Variants in ELP4 observed in about 807,000 individuals in gnomAD.
The protein encoded by ELP4 is elongator acetyltransferase complex subunit 4.
ELP4 carries 51 observed loss-of-function variants against 48.9 expected under a neutral mutation model. The ratio of observed to expected loss-of-function variants is 1.04; its 90% CI spans 0.83 to 1.32. The LOEUF (loss-of-function observed/expected upper bound fraction) is 1.32. Ranked by LOEUF, ELP4 falls within the 40% of genes most tolerant of loss-of-function variation. The pLI is 0.00. For missense variants in ELP4, 519 were observed against 514.6 expected (o/e 1.01, Z -0.08); for synonymous variants, 210 against 189.2 (o/e 1.11, Z -0.90).
intron 2 of ELP4, among the ~76,000 whole-genome samples, chr11:31,533,973 C>T (rs1956453620): frequency 6.6e-6 from 1 of 151,774 alleles, no homozygotes; most frequent in East Asian, 2.0e-4. Flanking sequence ...GTAGCTGGGA[C>T]TACAGGCTCC....
intron 2 of ELP4, among the ~76,000 whole-genome samples, chr11:31,520,938 C>A (rs1449864119): frequency 1.3e-5 from 2 of 151,874 alleles, no homozygotes; most frequent in Non-Finnish European, 2.9e-5. Flanking sequence ...ATACAGTATT[C>A]CAAATGTAAT....
chr11:31,789,486 A>AAGTT lies in ELP4; in HGVS notation c.*5962_*5963insAGTT. On this transcript the variant is annotated 3_prime_UTR_variant, in exon 10 of 10. Coordinates refer to ENST00000640961, the MANE Select transcript of ELP4 (RefSeq NM_019040.5). ...TGATACAAACTTGGAACATCAGTCCATAAACTATGAACAGATGGGTAGAAG... is the reference window on the plus strand; with the variant it reads ...TGATACAAACTTGGAACATCAGTCCAAGTTTAAACTATGAACAGATGGGTAGAAG... 1.8e-6 allele frequency: 1 copy of AAGTT among 544,348 alleles called. No individual in the cohort carries two copies. The highest frequency in any genetic ancestry group is 3.2e-6 in the Non-Finnish European group (1 of 310,788). 33.7% of individuals were successfully genotyped at this position (544,348 alleles called of 1,614,324 possible).
intron 9 of ELP4, among the ~76,000 whole-genome samples, chr11:31,729,048 A>G (rs1231825246): frequency 6.6e-6 from 1 of 152,212 alleles, no homozygotes; most frequent in Non-Finnish European, 1.5e-5. Context: ...ATTCTAAGGT[A>G]TTCCTGGCTC....
chr11:31,785,361 A>T lies in ELP4; in HGVS notation c.*1837A>T, dbSNP rs577569048. The stretch of plus-strand genomic sequence containing the variant: ...GCATTTGACTTGCTGAAAAAGAGAT[A>T]CGAGGTCATCAGATATGTAAATTGC... On this transcript the variant is annotated 3_prime_UTR_variant, in exon 10 of 10. Transcript: ENST00000640961. The T allele has an allele frequency of 5.4e-6, 1 of 184,822 alleles. No individual in the cohort carries two copies. Among genetic ancestry groups the T allele is most frequent in the South Asian group, 2.0e-4 (1 of 5,116 alleles). 11.4% of individuals were successfully genotyped at this position (184,822 alleles called of 1,614,324 possible). A position where few individuals can be genotyped will look rare whatever the true frequency, so the allele number is the denominator to read the frequency against.
At chr11:31,629,411 C>T (rs1198876481) in intron 6 of ELP4, among the ~76,000 whole-genome samples, 1 of 151,762 alleles carries the variant, frequency 6.6e-6, no homozygotes, top group Non-Finnish European at 1.5e-5. Flanking sequence ...TTTGCAATTA[C>T]CATTATATTT....
rs55756603 is a variant in ELP4 at position 31,789,517 on chromosome 11, G to A, written c.*5993G>A. On this transcript the variant is annotated 3_prime_UTR_variant, in exon 10 of 10. Transcript: ENST00000640961. ...TATGAACAGATGGGTAGAAGTATTC[G>A]ATATATCTTGATAAAACTCTTAAAT... The A allele has an allele frequency of 2.7e-3, 1,581 of 589,828 alleles. 20 individuals carry two copies. Among genetic ancestry groups the A allele is most frequent in the African/African-American group, 0.026 (1,353 of 52,998 alleles). 36.5% of individuals were successfully genotyped at this position (589,828 alleles called of 1,614,324 possible). A position where few individuals can be genotyped will look rare whatever the true frequency, so the allele number is the denominator to read the frequency against.
At chr11:31,732,678 A>G (rs1454885019) in intron 9 of ELP4, among the ~76,000 whole-genome samples, 1 of 152,202 alleles carries the variant, frequency 6.6e-6, no homozygotes, top group African/African-American at 2.4e-5. Context: ...ATTCACTTAG[A>G]TATAAGGGGA....
chr11:31,517,586 CAATT>C (rs1422202548), intron 1 of ELP4, among the ~76,000 whole-genome samples: 10 of 151,954 alleles, frequency 6.6e-5, no homozygotes, highest in Admixed American at 3.3e-4. Context: ...AAAAAACAAA[CAATT>C]AACATTGACT....
At chr11:31,635,179 C>A (rs1276562704) in intron 7 of ELP4, among the ~76,000 whole-genome samples, 4 of 151,902 alleles carry the variant, frequency 2.6e-5, no homozygotes, top group Admixed American at 2.6e-4. Flanking sequence ...CAAGGAAAAT[C>A]AGTCTTTTGG....
intron 2 of ELP4, among the ~76,000 whole-genome samples, chr11:31,532,097 A>T (rs1022702856): frequency 6.6e-6 from 1 of 152,224 alleles, no homozygotes; most frequent in African/African-American, 2.4e-5. Flanking sequence ...TGAGGTAGGT[A>T]TAATTTTATT....
intron 9 of ELP4, among the ~76,000 whole-genome samples, chr11:31,670,924 TG>T (rs1225972252): frequency 6.6e-6 from 1 of 152,064 alleles, no homozygotes; most frequent in Non-Finnish European, 1.5e-5. Context: ...GGAGATTTAT[TG>T]CCTTAATCTA....
At chr11:31,719,458 T>G (rs1946911910) in intron 9 of ELP4, 1 of 398,040 alleles carries the variant, frequency 2.5e-6, no homozygotes, top group Non-Finnish European at 4.4e-6. Context: ...ATAATGAAAT[T>G]TCTCATTTTA....
chr11:31,780,349 G>T (rs532691981), intron 9 of ELP4, among the ~76,000 whole-genome samples: 1 of 152,242 alleles, frequency 6.6e-6, no homozygotes, highest in Non-Finnish European at 1.5e-5. Flanking sequence ...TGGCGCACAG[G>T]GGGAGGCTCA....
rs373300691 is a variant in ELP4, at chr11:31,574,806, G to A, written c.382-19964G>A. Among the ~76,000 whole-genome samples, 17 of 152,260 alleles carry A rather than the reference G, an allele frequency of 1.1e-4. No homozygotes were observed. The East Asian group carries it at 1.2e-3, about 10-fold the overall frequency. On this transcript the variant is annotated intron_variant, in intron 3 of 9. Coordinates refer to ENST00000640961, the MANE Select transcript of ELP4 (RefSeq NM_019040.5). ...ACGTCACCATCATCAAAGACCAAAG[G>A]TAGATAAAACCACAAATATCTGGAG...
At chr11:31,513,964 AG>A (rs1956058387) in intron 1 of ELP4, among the ~76,000 whole-genome samples, 1 of 152,194 alleles carries the variant, frequency 6.6e-6, no homozygotes, top group South Asian at 2.1e-4. Context: ...AAGCTTGCTG[AG>A]TATCTTTAAC....
intron 9 of ELP4, among the ~76,000 whole-genome samples, chr11:31,709,319 T>C (rs1013760845): frequency 6.6e-6 from 1 of 152,188 alleles, no homozygotes; most frequent in Non-Finnish European, 1.5e-5. Context: ...CAAGGGTCTG[T>C]GTTTCCAAGA....
intron 9 of ELP4, chr11:31,653,901 A>G (rs1407200249): frequency 1.3e-5 from 2 of 151,702 alleles, no homozygotes; most frequent in Non-Finnish European, 2.9e-5. Flanking sequence ...TTCTTTAGTA[A>G]TTATGATGTA....
At chr11:31,561,339 G>A (rs1190521505) in intron 3 of ELP4, among the ~76,000 whole-genome samples, 1 of 152,160 alleles carries the variant, frequency 6.6e-6, no homozygotes. Flanking sequence ...TTTATGGATA[G>A]AAATATTAAT....
At position 31,509,989 on chromosome 11, in the gene ELP4, G is replaced by A; in HGVS notation, c.205G>A (p.Ala69Thr). Residue 69 changes from alanine to threonine, a missense_variant, in exon 1 of 10, where the codon GCC becomes ACC. Physicochemically the swap from Ala to Thr is moderately conservative, Grantham distance 58. Transcript: ENST00000640961. ...GQLLVSTGLP[A>T]LDQLLGGGLA... ...GCTGCTGGTATCAACCGGGCTCCCA[G>A]CCCTAGACCAGCTCTTAGGTCGGTT... The A allele has an allele frequency of 6.2e-7, 1 of 1,611,956 alleles. No individual in the cohort carries two copies. The highest frequency in any genetic ancestry group is 8.5e-7 in the Non-Finnish European group (1 of 1,179,864).
Sources: gnomAD v4.1 joint callset for allele counts (sites outside exome capture counted in the v4.1 genomes callset) on GRCh38, gnomAD v4.1.1 for gene constraint, MANE v1.5 for transcripts, NCBI Gene and HGNC (gene_info 2026-07-23, HGNC 2026-07-21) for gene names.